Variants in BANP observed in about 807,000 individuals in gnomAD.
BANP encodes protein BANP.
BANP carries 11 observed loss-of-function variants against 68.1 expected under a neutral mutation model. That is an observed-to-expected ratio of 0.16 (90% CI 0.10 to 0.27). The LOEUF is 0.27. Ranked by LOEUF, BANP falls within the 10% of genes least tolerant of loss-of-function variation. The pLI, the probability that BANP is intolerant of heterozygous loss-of-function variation, is 1.00. For missense variants in BANP, 504 were observed against 722.7 expected (o/e 0.70, Z 3.47); for synonymous variants, 329 against 303.2 (o/e 1.09, Z -0.88).
intron 4 of BANP, among the ~76,000 whole-genome samples, chr16:88,001,935 A>AC (rs2069503627): frequency 1.3e-5 from 2 of 151,922 alleles, no homozygotes; most frequent in East Asian, 1.9e-4. Context: ...AAAAAACAAA[A>AC]AAAAAAAAAC....
At chr16:87,975,423 C>T (rs1335869314) in intron 2 of BANP, among the ~76,000 whole-genome samples, 2 of 152,222 alleles carry the variant, frequency 1.3e-5, no homozygotes, top group Non-Finnish European at 2.9e-5. Flanking sequence ...GAGGGCCATC[C>T]CTGCTCCCAC....
At chr16:87,975,458 A>G (rs973664304) in intron 2 of BANP, among the ~76,000 whole-genome samples, 11 of 151,934 alleles carry the variant, frequency 7.2e-5, no homozygotes, top group Admixed American at 6.6e-5. Context: ...CGTGTGTTCT[A>G]CACTCTCTCC....
intron 11 of BANP, among the ~76,000 whole-genome samples, chr16:88,061,715 G>C (rs2152876422): frequency 6.6e-6 from 1 of 151,498 alleles, no homozygotes; most frequent in South Asian, 2.1e-4. Flanking sequence ...GCCCAGGCTG[G>C]AGTGCAATGG....
intron 6 of BANP, among the ~76,000 whole-genome samples, chr16:88,013,578 A>G (rs146324631): frequency 1.2e-4 from 18 of 152,328 alleles, no homozygotes; most frequent in Admixed American, 6.5e-4. Flanking sequence ...GGCGTGCCCC[A>G]TGCCTAGTCC....
At chr16:88,027,775 C>G (rs1193740184) in intron 8 of BANP, 125 bp downstream of exon 8, 3 of 1,184,282 alleles carry the variant, frequency 2.5e-6, no homozygotes, top group Non-Finnish European at 3.6e-6. Flanking sequence ...AGGCCAGAGG[C>G]TTGCGCGGTG....
At chr16:87,953,381 T>A (rs2057374567) in intron 1 of BANP, among the ~76,000 whole-genome samples, 1 of 152,132 alleles carries the variant, frequency 6.6e-6, no homozygotes, top group African/African-American at 2.4e-5. Flanking sequence ...TGATCCTTTT[T>A]ATTTTTTTCT....
intron 12 of BANP, among the ~76,000 whole-genome samples, chr16:88,068,529 C>G (rs906401451): frequency 2.0e-5 from 3 of 152,188 alleles, no homozygotes; most frequent in East Asian, 3.8e-4. Context: ...GGAACTTTCT[C>G]GGGGCCAGGA....
chr16:88,068,601 CT>C (rs1422691052), intron 12 of BANP, among the ~76,000 whole-genome samples: 4 of 152,128 alleles, frequency 2.6e-5, no homozygotes, highest in Non-Finnish European at 5.9e-5. Context: ...GAAGAGCCCA[CT>C]GGTGCGGGTG....
intron 6 of BANP, among the ~76,000 whole-genome samples, chr16:88,008,197 G>A (rs938702791): frequency 5.3e-5 from 8 of 152,160 alleles, no homozygotes; most frequent in African/African-American, 1.4e-4. Flanking sequence ...GGTATGGATG[G>A]CCCTCATTCT....
At chr16:88,025,034 G>C (rs1280001366) in intron 7 of BANP, among the ~76,000 whole-genome samples, 1 of 152,116 alleles carries the variant, frequency 6.6e-6, no homozygotes, top group Non-Finnish European at 1.5e-5. Context: ...TTTTCTCCTG[G>C]AGTGTGAAGG....
chr16:88,045,835 C>T (rs1343865612), intron 11 of BANP, among the ~76,000 whole-genome samples: 2 of 152,100 alleles, frequency 1.3e-5, no homozygotes, highest in African/African-American at 4.8e-5. Flanking sequence ...AGGGCGGCCG[C>T]TCCCTCAGTG....
chr16:87,973,848 G>T (rs1472327757), intron 1 of BANP, among the ~76,000 whole-genome samples: 1 of 152,016 alleles, frequency 6.6e-6, no homozygotes, highest in Admixed American at 6.6e-5. Context: ...AGGAGGAACT[G>T]CATTATTTAT....
At chr16:87,961,416 C>CCT (rs75689206) in intron 1 of BANP, among the ~76,000 whole-genome samples, 1 of 146,270 alleles carries the variant, frequency 6.8e-6, no homozygotes, top group African/African-American at 2.5e-5. Flanking sequence ...TGCACCCCCC[C>CCT]GGGCCTCCCA....
At chr16:88,074,773 C>T (rs1599185289) in intron 13 of BANP, among the ~76,000 whole-genome samples, 1 of 152,212 alleles carries the variant, frequency 6.6e-6, no homozygotes, top group East Asian at 1.9e-4. Flanking sequence ...GAGGTTCACC[C>T]CTTCCCGTTA....
At position 88,076,699 on chromosome 16, in the gene BANP, G is replaced by A. The variant is rs1451710371; in HGVS notation, c.*38G>A. ...GCACCAGGAGCCCCTCGCCGGCTCC[G>A]CCTACGGCCCGGCCCCCACGCGCCC... On this transcript the variant is annotated 3_prime_UTR_variant, in exon 14 of 14. Coordinates refer to ENST00000682872, the MANE Select transcript of BANP (RefSeq NM_001386991.1). 4.5e-6 allele frequency: 7 copies of A among 1,566,274 alleles called. No individual in the cohort carries two copies. Among genetic ancestry groups the A allele is most frequent in the South Asian group, 2.2e-5 (2 of 88,908 alleles).
chr16:87,962,787 G>T (rs918648823), intron 1 of BANP, among the ~76,000 whole-genome samples: 8 of 152,214 alleles, frequency 5.3e-5, no homozygotes, highest in East Asian at 1.9e-4. Flanking sequence ...TCTAGCATCC[G>T]ATCAGTCATT....
rs1034854750 is a variant in BANP, at chr16:88,076,754, C to T, written c.*93C>T. ...CTCACGGCCTCGGCACAGGCAGCGG[C>T]TGCACGTGTTCTGCTGAAGTGCGTC... On this transcript the variant is annotated 3_prime_UTR_variant, in exon 14 of 14. Coordinates refer to ENST00000682872, the MANE Select transcript of BANP (RefSeq NM_001386991.1). The T allele has an allele frequency of 3.8e-5, 40 of 1,064,266 alleles. No individual in the cohort carries two copies. The highest frequency in any genetic ancestry group is 5.3e-5 in the Non-Finnish European group (40 of 749,372). The allele number at this position is 1,064,266 out of a possible 1,614,324, so 65.9% of individuals were successfully genotyped here.
rs759530105 is a variant in BANP, at chr16:88,018,704, G to A, written c.895+37G>A. The A allele has an allele frequency of 6.5e-7, 1 of 1,538,960 alleles. No individual in the cohort carries two copies. Among genetic ancestry groups the A allele is most frequent in the South Asian group, 1.2e-5 (1 of 83,068 alleles). ...CCCGCCTTGGGGGACTGGGGTGTGC[G>A]GGGAGCTGGGTCAGGACCCACATTT... On this transcript the variant is annotated intron_variant, in intron 7 of 13. Transcript: ENST00000682872. This position sits in a 1 kb window ranked among gnomAD's most constrained non-coding sequence, Gnocchi z 7.7.
Position 88,076,801 on chromosome 16 carries a change from G to T in BANP, c.*140G>T. 1.5e-6 allele frequency: 1 copy of T among 680,878 alleles called. No individual in the cohort carries two copies. Among genetic ancestry groups the T allele is most frequent in the South Asian group, 2.0e-5 (1 of 51,128 alleles). The allele number at this position is 680,878 out of a possible 1,614,324, so 42.2% of individuals were successfully genotyped here. ...CGTCTGAAGGCCGCTGCCTCCGCGG[G>T]GAACAGCATCCTATCAACTGAAAGA... is the stretch of plus-strand genomic sequence containing the variant. On this transcript the variant is annotated 3_prime_UTR_variant, in exon 14 of 14. Transcript: ENST00000682872.
Sources: gnomAD v4.1 joint callset for allele counts (sites outside exome capture counted in the v4.1 genomes callset) on GRCh38, gnomAD v4.1.1 for gene constraint, Gnocchi (gnomAD v3.1) non-coding constraint, MANE v1.5 for transcripts, NCBI Gene and HGNC (gene_info 2026-07-23, HGNC 2026-07-21) for gene names.